DLGAP5: variants seen among roughly 807,000 people sequenced by gnomAD.
DLGAP5 encodes the protein DLG associated protein 5.
Under a neutral mutation model 99.6 loss-of-function variants are expected in DLGAP5, and 90 were observed. That is an observed-to-expected ratio of 0.90 (90% CI 0.76 to 1.08). DLGAP5 has a LOEUF of 1.08. Among genes scored for constraint, DLGAP5 ranks in the 50% least tolerant of loss-of-function variants. The probability of loss-of-function intolerance (pLI) is 0.00; values close to 1 mark genes in which losing one functional copy is unlikely to be tolerated. For missense variants in DLGAP5, 1,036 were observed against 983.5 expected (o/e 1.05, Z -0.71); for synonymous variants, 311 against 321.3 (o/e 0.97, Z 0.34).
At position 55,170,791 on chromosome 14, in the gene DLGAP5, A is replaced by T; in HGVS notation, c.1302-4T>A. ...AGTTTCTGACTGGAGGATATTTCTA[A>T]AATTATGACATACATTTCAGTTCTA... On this transcript the variant is annotated splice_polypyrimidine_tract_variant and splice_region_variant and intron_variant, in intron 10 of 18. Coordinates refer to ENST00000247191, the MANE Select transcript of DLGAP5 (RefSeq NM_014750.5). The T allele has an allele frequency of 6.2e-7, 1 of 1,610,766 alleles. No homozygotes were observed. Among genetic ancestry groups the T allele is most frequent in the Non-Finnish European group, 8.5e-7 (1 of 1,177,094 alleles).
intron 12 of DLGAP5, among the ~76,000 whole-genome samples, chr14:55,165,381 G>C (rs1007729379): frequency 2.6e-5 from 4 of 152,118 alleles, no homozygotes; most frequent in Non-Finnish European, 5.9e-5. Context: ...AAATTAGCCA[G>C]TCGTGGTGGC....
At chr14:55,166,721 C>T (rs1281172230) in intron 12 of DLGAP5, among the ~76,000 whole-genome samples, 4 of 151,388 alleles carry the variant, frequency 2.6e-5, no homozygotes, top group Admixed American at 2.0e-4. Flanking sequence ...AAGAGTGAAA[C>T]TCCATCTCAA....
chr14:55,181,416 A>C, intron 4 of DLGAP5, 119 bp from the exon 5 acceptor site: 1 of 647,292 alleles, frequency 1.5e-6, no homozygotes, highest in Non-Finnish European at 2.5e-6. Context: ...CCCAACAACA[A>C]CAACAAAAAA....
intron 18 of DLGAP5, among the ~76,000 whole-genome samples, chr14:55,149,823 G>GA (rs1881951002): frequency 8.1e-6 from 1 of 123,844 alleles, no homozygotes; most frequent in Admixed American, 9.4e-5. Context: ...GGCGGGGGGG[G>GA]GGCATCACCT....
Position 55,180,719 on chromosome 14 carries a change from T to C in DLGAP5, c.640A>G (p.Lys214Glu). The C allele has an allele frequency of 6.2e-7, 1 of 1,614,198 alleles. No homozygotes were observed. Among genetic ancestry groups the C allele is most frequent in the Admixed American group, 1.7e-5 (1 of 60,020 alleles). ...GATGAGACTGTTCTGGGAACCTGCT[T>C]TGCTGCTTGAGTAGCTGATCGAGTC... ...RMTRSATQAA[K>E]QVPRTVSSTT... The change falls in exon 6 of 19, where the codon AAG becomes GAG. Residue 214 changes from lysine (K) to glutamate (E), a missense_variant. Coordinates refer to ENST00000247191, the MANE Select transcript of DLGAP5 (RefSeq NM_014750.5).
At chr14:55,189,251 T>C in intron 1 of DLGAP5, 71 bp from the exon 2 acceptor site, 1 of 1,207,868 alleles carries the variant, frequency 8.3e-7, no homozygotes, top group Non-Finnish European at 1.2e-6. Context: ...TTACAGTTCA[T>C]TTCCTGTCCC....
At chr14:55,180,575 T>A (rs1176046368) in intron 6 of DLGAP5, 81 bp downstream of exon 6, 28 of 1,575,892 alleles carry the variant, frequency 1.8e-5, no homozygotes, top group Non-Finnish European at 2.3e-5. Context: ...AAAGAAGTAC[T>A]TGTTGATTTT....
intron 11 of DLGAP5, 117 bp downstream of exon 11, chr14:55,170,585 G>A (rs1363492156): frequency 3.5e-6 from 3 of 860,764 alleles, no homozygotes; most frequent in African/African-American, 3.4e-5. Context: ...AAAAATTCTT[G>A]CTACTTTGAA....
chr14:55,180,929 C>A, intron 5 of DLGAP5, 151 bp from the exon 6 acceptor site: 1 of 957,620 alleles, frequency 1.0e-6, no homozygotes, highest in Non-Finnish European at 1.5e-6. Flanking sequence ...CCAGCCTAGG[C>A]AACATAGTGA....
intron 7 of DLGAP5, among the ~76,000 whole-genome samples, chr14:55,179,001 C>T (rs1464448529): frequency 1.3e-5 from 2 of 152,000 alleles, no homozygotes; most frequent in Non-Finnish European, 2.9e-5. Flanking sequence ...GAGCCAAGAT[C>T]GCGCCATTGC....
rs754570222 is a variant in DLGAP5, at chr14:55,180,606, T to G, written c.703+50A>C. On this transcript the variant is annotated intron_variant, in intron 6 of 18. Coordinates refer to ENST00000247191, the MANE Select transcript of DLGAP5 (RefSeq NM_014750.5). ...ATTTTTGAAACGGAACACAAAAACC[T>G]CAAGGACCAAACATTCTAGTTCAGT... 6 of 1,605,132 alleles carry G rather than the reference T, an allele frequency of 3.7e-6. No homozygotes were observed. The South Asian group carries it at 5.5e-5, about 15-fold the overall frequency.
rs1331252242 is a variant in DLGAP5, at chr14:55,177,249, A to G, written c.862T>C (p.Ser288Pro). 3 of 1,613,548 alleles carry G rather than the reference A, an allele frequency of 1.9e-6. No homozygotes were observed. The highest frequency in any genetic ancestry group is 1.3e-5 in the African/African-American group (1 of 75,016). Reference protein sequence around the residue: ...TSGMNPDGVLSKMENLPEINT... With the variant: ...TSGMNPDGVLPKMENLPEINT... ...ATCTCAGGTAAGTTTTCCATTTTTG[A>G]TAAGACTCCATCTGGATTCATTCCA... The change falls in exon 8 of 19, where the codon TCA becomes CCA. Residue 288 changes from serine to proline, a missense_variant. Ser to Pro is a moderately conservative substitution (Grantham distance 74). Coordinates refer to ENST00000247191, the MANE Select transcript of DLGAP5 (RefSeq NM_014750.5).
At chr14:55,176,329 C>T in intron 8 of DLGAP5, among the ~76,000 whole-genome samples, 1 of 152,114 alleles carries the variant, frequency 6.6e-6, no homozygotes, top group South Asian at 2.1e-4. Context: ...ATGATCTTGC[C>T]TTTTCTTTTA....
intron 2 of DLGAP5, among the ~76,000 whole-genome samples, chr14:55,187,089 A>G (rs1883458273): frequency 6.6e-6 from 1 of 151,952 alleles, no homozygotes; most frequent in African/African-American, 2.4e-5. Context: ...TATTTTTAGT[A>G]GAGATGGGGT....
In DLGAP5 at chr14:55,175,470, G is replaced by T; in HGVS notation, c.1177C>A (p.His393Asn). Residue 393 changes from histidine to asparagine, a missense_variant and splice_region_variant, in exon 10 of 19, where the codon CAT becomes AAT. His to Asn is a moderately conservative substitution (Grantham distance 68). Transcript: ENST00000247191. ...GTAGCTTCATTTTTATTTAAAACATGTTCTATAAATTAAAGAAAATCTTAC... is the reference window on the plus strand; with the variant it reads ...GTAGCTTCATTTTTATTTAAAACATTTTCTATAAATTAAAGAAAATCTTAC... ...LGPLTVWHEE[H>N]VLNKNEATTK... is the part of the protein sequence containing the mutation. 7.8e-7 allele frequency: 1 copy of T among 1,275,618 alleles called. No homozygotes were observed. The highest frequency in any genetic ancestry group is 1.1e-6 in the Non-Finnish European group (1 of 899,490). The allele number at this position is 1,275,618 out of a possible 1,614,324, so 79.0% of individuals were successfully genotyped here.
At chr14:55,152,129 T>C (rs952473145) in intron 16 of DLGAP5, among the ~76,000 whole-genome samples, 188 bp from the exon 17 acceptor site, 1 of 152,210 alleles carries the variant, frequency 6.6e-6, no homozygotes, top group African/African-American at 2.4e-5. Flanking sequence ...AGAAATAGTA[T>C]GATTGAAGGC....
At chr14:55,185,373 G>C (rs1883398827) in intron 2 of DLGAP5, among the ~76,000 whole-genome samples, 1 of 151,740 alleles carries the variant, frequency 6.6e-6, no homozygotes, top group Admixed American at 6.6e-5. Flanking sequence ...CTAATTTTTT[G>C]CATTTTTAGT....
intron 2 of DLGAP5, among the ~76,000 whole-genome samples, chr14:55,188,128 C>T (rs1422178151): frequency 2.0e-5 from 3 of 152,136 alleles, no homozygotes; most frequent in Admixed American, 2.0e-4. Flanking sequence ...ATGTTTGGTT[C>T]TTTCTGCCAT....
chr14:55,186,374 G>C, intron 2 of DLGAP5, among the ~76,000 whole-genome samples: 1 of 152,020 alleles, frequency 6.6e-6, no homozygotes, highest in East Asian at 1.9e-4. Flanking sequence ...TCTATTACAG[G>C]GTCCAGATTT....
Sources: allele counts gnomAD v4.1 joint callset (sites outside exome capture counted in the v4.1 genomes callset), GRCh38; gene constraint gnomAD v4.1.1; transcripts MANE v1.5; gene names NCBI Gene and HGNC (gene_info 2026-07-23, HGNC 2026-07-21).